Variants in TENM4 observed in about 807,000 individuals in gnomAD.
TENM4 encodes the protein teneurin transmembrane protein 4, also known as teneurin-4.
In TENM4, 82 loss-of-function variants were observed where a neutral mutation model predicts 243.3. The ratio of observed to expected loss-of-function variants is 0.34; its 90% CI spans 0.28 to 0.40. The LOEUF (loss-of-function observed/expected upper bound fraction) is 0.40, where lower values mean the gene tolerates loss of function less well. Among genes scored for constraint, TENM4 ranks in the 10% least tolerant of loss-of-function variants. The probability of loss-of-function intolerance (pLI) is 1.00; values close to 1 mark genes in which losing one functional copy is unlikely to be tolerated. For synonymous variants in TENM4, 1,412 were observed against 1,456.3 expected (o/e 0.97, Z 0.69); for missense variants, 3,138 against 3,673.3 (o/e 0.85, Z 3.77).
intron 3 of TENM4, among the ~76,000 whole-genome samples, chr11:79,155,247 G>T (rs1862582684): frequency 6.6e-6 from 1 of 152,146 alleles, no homozygotes; most frequent in Non-Finnish European, 1.5e-5. Context: ...GGGCTCCTGT[G>T]GAACCCACAT....
chr11:79,139,643 A>G (rs1210532538), intron 4 of TENM4, among the ~76,000 whole-genome samples: 1 of 101,464 alleles, frequency 9.9e-6, no homozygotes, highest in Non-Finnish European at 1.7e-5. Context: ...AATATATATT[A>G]TATTTATATA....
At chr11:79,362,571 G>A (rs768068025) in intron 1 of TENM4, among the ~76,000 whole-genome samples, 34 of 152,312 alleles carry the variant, frequency 2.2e-4, no homozygotes, top group Non-Finnish European at 4.1e-4. Context: ...CAATCCTGGG[G>A]AACAACGGGA....
Position 78,729,404 on chromosome 11 carries a change from C to A in TENM4, c.3378G>T (p.Gln1126His). ...FIWDKTDVYN[Q>H]KVFGLSEAFV... ...AGGCTTCTGAAAGCCCAAACACCTTCTGGTTGTAGACGTCTGTCTTGTCCC... is the reference window on the plus strand; with the variant it reads ...AGGCTTCTGAAAGCCCAAACACCTTATGGTTGTAGACGTCTGTCTTGTCCC... Residue 1126 changes from glutamine to histidine, a missense_variant, in exon 22 of 34, where the codon CAG becomes CAT. Physicochemically the swap from Gln to His is conservative, Grantham distance 24. Around this residue, in one of 2 missense-constraint regions of TENM4, gnomAD observed 2,467 missense variants for 3,059.1 expected, o/e 0.81. Transcript: ENST00000278550. 6.3e-7 allele frequency: 1 copy of A among 1,583,080 alleles called. No homozygotes were observed. Among genetic ancestry groups the A allele is most frequent in the African/African-American group, 1.3e-5 (1 of 74,444 alleles).
chr11:79,348,224 A>G (rs1857361122), intron 1 of TENM4, among the ~76,000 whole-genome samples: 1 of 152,194 alleles, frequency 6.6e-6, no homozygotes, highest in African/African-American at 2.4e-5. Context: ...CACTGATTGA[A>G]TATCTTTCAC....
intron 19 of TENM4, among the ~76,000 whole-genome samples, chr11:78,739,008 G>A (rs940474943): frequency 2.0e-5 from 3 of 151,820 alleles, no homozygotes; most frequent in Non-Finnish European, 4.4e-5. Flanking sequence ...CCTGGTATAG[G>A]GTAAGCTCCA....
At position 78,722,853 on chromosome 11, in the gene TENM4, G is replaced by C; in HGVS notation, c.3615C>G (p.Ser1205Arg). The change falls in exon 24 of 34, where the codon AGC becomes AGG. Residue 1205 changes from serine (S) to arginine (R), a missense_variant. Ser to Arg is a moderately radical substitution (Grantham distance 110). Around this residue, in one of 2 missense-constraint regions of TENM4, gnomAD observed 2,467 missense variants for 3,059.1 expected, o/e 0.81. Transcript: ENST00000278550. ...TTCTCCGGCGCCCATTGCCCATGAT[G>C]CTCCCAATGACAGGAGGCTGCTGAG... ...FVSQQPPVIG[S>R]IMGNGRRRSI... 6.2e-7 allele frequency: 1 copy of C among 1,614,038 alleles called. No individual in the cohort carries two copies. The highest frequency in any genetic ancestry group is 8.5e-7 in the Non-Finnish European group (1 of 1,179,898).
intron 1 of TENM4, among the ~76,000 whole-genome samples, chr11:79,366,991 A>G (rs1438217318): frequency 1.3e-5 from 2 of 152,232 alleles, no homozygotes; most frequent in African/African-American, 4.8e-5. Context: ...TCAGAAAATA[A>G]TAATACAATA....
intron 9 of TENM4, among the ~76,000 whole-genome samples, chr11:78,875,545 T>G (rs1378815200): frequency 6.6e-6 from 1 of 152,112 alleles, no homozygotes; most frequent in African/African-American, 2.4e-5. Flanking sequence ...ATCCTCTCAG[T>G]AGTTCAGAAG....
At chr11:78,782,698 G>A (rs1205280245) in intron 16 of TENM4, among the ~76,000 whole-genome samples, 2 of 151,920 alleles carry the variant, frequency 1.3e-5, no homozygotes, top group African/African-American at 4.8e-5. Context: ...CCTGGGAGGC[G>A]GAAGTTTCAG....
chr11:78,926,820 A>C (rs1856563556), intron 6 of TENM4, among the ~76,000 whole-genome samples: 1 of 152,140 alleles, frequency 6.6e-6, no homozygotes. Flanking sequence ...TAATGTGGTG[A>C]ACACCAGTGA....
At chr11:78,894,107 G>A (rs941577551) in intron 7 of TENM4, among the ~76,000 whole-genome samples, 9 of 152,158 alleles carry the variant, frequency 5.9e-5, no homozygotes, top group Admixed American at 2.0e-4. Flanking sequence ...CATACAGCAG[G>A]CACATAGTCA....
rs1233819862 is a variant in TENM4, at chr11:78,672,099, C to T, written c.5727G>A (p.Gln1909=). 1.2e-6 allele frequency: 2 copies of T among 1,613,910 alleles called. No individual in the cohort carries two copies. The highest frequency in any genetic ancestry group is 2.7e-5 in the African/African-American group (2 of 74,934). ...GIMSERMEYD[Q]AGRITSRIFA... is the part of the protein sequence containing the mutation. ...AGATCCTGGATGTGATGCGGCCCGC[C>T]TGGTCGTATTCCATTCTTTCAGACA... Residue 1909 remains glutamine, a synonymous_variant, in exon 31 of 34, where the codon CAG becomes CAA. Transcript: ENST00000278550.
intron 2 of TENM4, among the ~76,000 whole-genome samples, chr11:79,252,918 C>T (rs1855637228): frequency 6.6e-6 from 1 of 152,194 alleles, no homozygotes; most frequent in African/African-American, 2.4e-5. Flanking sequence ...TTTTAAGCTA[C>T]TGAATTTTCA....
chr11:78,764,775 G>T (rs1264254308), intron 18 of TENM4, among the ~76,000 whole-genome samples: 4 of 152,194 alleles, frequency 2.6e-5, no homozygotes, highest in Admixed American at 1.3e-4. Context: ...GGTGTAGTGG[G>T]GCAGACAGAG....
chr11:78,879,613 G>A (rs1182919287), intron 9 of TENM4, among the ~76,000 whole-genome samples: 4 of 135,648 alleles, frequency 2.9e-5, no homozygotes, highest in Admixed American at 2.2e-4. Context: ...GCCTCTGCCC[G>A]GCCGCCCCGT....
At chr11:78,857,607 TG>T (rs1858710360) in intron 10 of TENM4, among the ~76,000 whole-genome samples, 1 of 152,236 alleles carries the variant, frequency 6.6e-6, no homozygotes, top group Non-Finnish European at 1.5e-5. Context: ...ATTAAAAATA[TG>T]CCAACAAAAA....
intron 10 of TENM4, among the ~76,000 whole-genome samples, chr11:78,862,698 T>C (rs1476043398): frequency 6.6e-6 from 1 of 152,192 alleles, no homozygotes; most frequent in African/African-American, 2.4e-5. Flanking sequence ...AAGCCCCTAA[T>C]GCTTCCCTCA....
At chr11:79,383,951 T>C (rs1858057206) in intron 1 of TENM4, among the ~76,000 whole-genome samples, 1 of 152,178 alleles carries the variant, frequency 6.6e-6, no homozygotes, top group African/African-American at 2.4e-5. Flanking sequence ...CATATTTCTA[T>C]GAAGCAACCA....
chr11:79,336,556 C>T (rs576632321), intron 1 of TENM4, among the ~76,000 whole-genome samples: 1 of 152,142 alleles, frequency 6.6e-6, no homozygotes, highest in Non-Finnish European at 1.5e-5. Flanking sequence ...AATAAGGAAT[C>T]TAGAGAGCCA....
Sources: gnomAD v4.1 joint callset for allele counts (sites outside exome capture counted in the v4.1 genomes callset) on GRCh38, gnomAD v4.1.1 for gene constraint, gnomAD v4.1.1 regional missense constraint, MANE v1.5 for transcripts, NCBI Gene and HGNC (gene_info 2026-07-23, HGNC 2026-07-21) for gene names.